The following EXOC4 variants were observed in gnomAD, a reference collection of about 807,000 sequenced individuals.
EXOC4 encodes SEC8-like 1.
A neutral mutation model predicts 107.2 loss-of-function variants in EXOC4; 71 were observed. The ratio of observed to expected loss-of-function variants is 0.66; its 90% CI spans 0.55 to 0.81. EXOC4 has a LOEUF of 0.81. Among genes scored for constraint, EXOC4 ranks in the 30% least tolerant of loss-of-function variants. The probability of loss-of-function intolerance (pLI) is 0.00; values close to 1 mark genes in which losing one functional copy is unlikely to be tolerated. For synonymous variants in EXOC4, 456 were observed against 441.2 expected (o/e 1.03, Z -0.42); for missense variants, 1,108 against 1,189.6 (o/e 0.93, Z 1.01).
chr7:133,378,863 G>T (rs748802969), intron 7 of EXOC4, among the ~76,000 whole-genome samples: 4 of 151,954 alleles, frequency 2.6e-5, no homozygotes, highest in Non-Finnish European at 4.4e-5. Flanking sequence ...GATAGACTTA[G>T]CACCAACCAT....
intron 10 of EXOC4, among the ~76,000 whole-genome samples, chr7:133,804,660 A>G (rs1160607385): frequency 3.3e-5 from 5 of 152,220 alleles, no homozygotes; most frequent in Non-Finnish European, 7.4e-5. Context: ...CATTTTTGAC[A>G]TATGAAATAC....
At chr7:133,642,119 A>C (rs1327294613) in intron 10 of EXOC4, among the ~76,000 whole-genome samples, 1 of 152,164 alleles carries the variant, frequency 6.6e-6, no homozygotes, top group African/African-American at 2.4e-5. Context: ...TTTTGGGGCA[A>C]AATTCTTCAA....
At chr7:133,611,533 C>T (rs1802076172) in intron 9 of EXOC4, among the ~76,000 whole-genome samples, 2 of 152,112 alleles carry the variant, frequency 1.3e-5, no homozygotes, top group Non-Finnish European at 2.9e-5. Context: ...ATAGGACCTA[C>T]CACACCCTGT....
chr7:133,359,155 A>G (rs1308397323), intron 6 of EXOC4, among the ~76,000 whole-genome samples: 1 of 152,234 alleles, frequency 6.6e-6, no homozygotes, highest in African/African-American at 2.4e-5. Context: ...AAGATCAAAG[A>G]TTAAATTTTG....
intron 13 of EXOC4, among the ~76,000 whole-genome samples, chr7:133,922,244 A>G (rs1799952696): frequency 6.6e-6 from 1 of 152,206 alleles, no homozygotes; most frequent in Non-Finnish European, 1.5e-5. Flanking sequence ...AACAATACTC[A>G]GATCAAGAAA....
chr7:133,260,590 A>T (rs1562992219), intron 1 of EXOC4, among the ~76,000 whole-genome samples: 1 of 151,992 alleles, frequency 6.6e-6, no homozygotes, highest in African/African-American at 2.4e-5. Context: ...ACTTTATTCT[A>T]CTTTTTCAAA....
At chr7:133,333,263 G>A (rs550181391) in intron 5 of EXOC4, among the ~76,000 whole-genome samples, 1 of 152,010 alleles carries the variant, frequency 6.6e-6, no homozygotes, top group African/African-American at 2.4e-5. Flanking sequence ...TGCTCAAATT[G>A]TCCCAAATTT....
intron 14 of EXOC4, among the ~76,000 whole-genome samples, chr7:133,960,905 C>T (rs1047775539): frequency 6.6e-6 from 1 of 152,150 alleles, no homozygotes; most frequent in South Asian, 2.1e-4. Context: ...TTTAGGATAT[C>T]GTCTCTAATC....
At chr7:134,031,348 A>G (rs571463998) in intron 17 of EXOC4, among the ~76,000 whole-genome samples, 3 of 152,290 alleles carry the variant, frequency 2.0e-5, no homozygotes, top group African/African-American at 7.2e-5. Flanking sequence ...GGAATAGCAG[A>G]GAGTTTTTGG....
chr7:133,760,733 TA>T (rs74926599), intron 10 of EXOC4, among the ~76,000 whole-genome samples: 11,920 of 142,860 alleles, frequency 0.083, 491 homozygotes, highest in Middle Eastern at 0.13. Flanking sequence ...CTTCTTTACT[TA>T]AAAAAAAAAA....
intron 9 of EXOC4, among the ~76,000 whole-genome samples, chr7:133,531,267 G>A (rs1266459644): frequency 6.6e-6 from 1 of 151,998 alleles, no homozygotes; most frequent in Non-Finnish European, 1.5e-5. Flanking sequence ...CTAGTGAAAT[G>A]TTTCCTAAGT....
intron 1 of EXOC4, among the ~76,000 whole-genome samples, chr7:133,271,260 A>G (rs1793863906): frequency 6.6e-6 from 1 of 152,034 alleles, no homozygotes; most frequent in Non-Finnish European, 1.5e-5. Context: ...ATTTTTATTG[A>G]ATATTTATCT....
chr7:133,805,190 G>C (rs904474799), intron 10 of EXOC4, among the ~76,000 whole-genome samples: 6 of 152,152 alleles, frequency 3.9e-5, no homozygotes, highest in African/African-American at 1.4e-4. Context: ...GGTTTTAAAG[G>C]CATCTGGGAA....
chr7:133,373,849 A>G (rs1418076123), intron 6 of EXOC4, among the ~76,000 whole-genome samples: 1 of 152,220 alleles, frequency 6.6e-6, no homozygotes. Flanking sequence ...TGTATAAAGC[A>G]GTGCCTACTC....
intron 10 of EXOC4, among the ~76,000 whole-genome samples, chr7:133,801,593 A>C (rs1796944367): frequency 6.6e-6 from 1 of 152,156 alleles, no homozygotes; most frequent in Non-Finnish European, 1.5e-5. Flanking sequence ...AGTTAAACCA[A>C]ATTTAATCTC....
intron 9 of EXOC4, among the ~76,000 whole-genome samples, chr7:133,528,767 AAGG>A (rs1800126406): frequency 1.3e-5 from 2 of 152,332 alleles, no homozygotes; most frequent in African/African-American, 4.8e-5. Flanking sequence ...GTCTGAACAA[AAGG>A]AGAAGAGGTG....
chr7:133,544,717 G>A (rs1285089268), intron 9 of EXOC4, among the ~76,000 whole-genome samples: 1 of 140,726 alleles, frequency 7.1e-6, no homozygotes, highest in African/African-American at 2.9e-5. Context: ...TAACCAAATC[G>A]AGGGAATTAA....
At chr7:134,044,956 T>C (rs1339329819) in intron 17 of EXOC4, among the ~76,000 whole-genome samples, 1 of 152,214 alleles carries the variant, frequency 6.6e-6, no homozygotes, top group East Asian at 1.9e-4. Flanking sequence ...AGTGTATTGC[T>C]ATGTAGTCAA....
At chr7:133,821,388 A>T (rs1175903899) in intron 11 of EXOC4, among the ~76,000 whole-genome samples, 1 of 152,158 alleles carries the variant, frequency 6.6e-6, no homozygotes, top group East Asian at 1.9e-4. Flanking sequence ...AGCCAGTTCT[A>T]CCCAAAGTGG....
Sources: allele counts gnomAD v4.1 joint callset (sites outside exome capture counted in the v4.1 genomes callset), GRCh38; gene constraint gnomAD v4.1.1; transcripts MANE v1.5; gene names NCBI Gene and HGNC (gene_info 2026-07-23, HGNC 2026-07-21).